The following RGS12 variants were observed in gnomAD, a reference collection of about 807,000 sequenced individuals.
The protein encoded by RGS12 is regulator of G protein signaling 12.
Under a neutral mutation model 120.1 loss-of-function variants are expected in RGS12, and 66 were observed. The ratio of observed to expected loss-of-function variants is 0.55; its 90% CI spans 0.45 to 0.67. The LOEUF is 0.67. Among genes scored for constraint, RGS12 ranks in the 30% least tolerant of loss-of-function variants. The probability of loss-of-function intolerance (pLI) is 0.00; values close to 1 mark genes in which losing one functional copy is unlikely to be tolerated. For synonymous variants in RGS12, 827 were observed against 804.7 expected (o/e 1.03, Z -0.47); for missense variants, 1,859 against 1,957.7 (o/e 0.95, Z 0.95).
chr4:3,349,229 C>T (rs745572110), intron 3 of RGS12, among the ~76,000 whole-genome samples: 16 of 152,134 alleles, frequency 1.1e-4, no homozygotes, highest in Non-Finnish European at 2.4e-4. Flanking sequence ...AAATTTATTT[C>T]GTAAATTTAT....
At chr4:3,369,895 C>A in intron 3 of RGS12, 2 of 432,298 alleles carry the variant, frequency 4.6e-6, no homozygotes, top group Non-Finnish European at 6.4e-6. Context: ...GATTCATTGG[C>A]AGCTGTAATT....
At chr4:3,409,696 A>ACGTCAC (rs1443689564) in intron 4 of RGS12, among the ~76,000 whole-genome samples, 1 of 152,212 alleles carries the variant, frequency 6.6e-6, no homozygotes, top group Non-Finnish European at 1.5e-5. Context: ...CAGACGGTTC[A>ACGTCAC]CGTCACCGTG....
intron 3 of RGS12, among the ~76,000 whole-genome samples, chr4:3,356,385 A>G (rs975507461): frequency 6.6e-6 from 1 of 152,140 alleles, no homozygotes; most frequent in Admixed American, 6.5e-5. Context: ...GGTAAAATAC[A>G]TACAACAAAA....
intron 12 of RGS12, 32 bp downstream of exon 12, chr4:3,423,010 G>C (rs371017751): frequency 1.9e-6 from 3 of 1,581,980 alleles, no homozygotes; most frequent in African/African-American, 1.3e-5. Flanking sequence ...TTCACCTGAG[G>C]CTCCCAGAGC....
At chr4:3,323,723 T>C (rs949813154) in intron 2 of RGS12, among the ~76,000 whole-genome samples, 1 of 152,220 alleles carries the variant, frequency 6.6e-6, no homozygotes, top group African/African-American at 2.4e-5. Flanking sequence ...TCTATCTTTG[T>C]ATATATGTGA....
rs570199511 is a variant in RGS12 at position 3,430,685 on chromosome 4, C to T, written c.3844C>T (p.Pro1282Ser). ...CAGCCCGGGCTCAGCCTCCAGCCCC[C>T]CTGGACCTCCTGGGACGACCCCCCC... is the stretch of plus-strand genomic sequence containing the variant. ...STSPGSASSPPGPPGTTPPGQ... is the reference protein window; with the variant it reads ...STSPGSASSPSGPPGTTPPGQ... Residue 1282 changes from proline (P) to serine (S), a missense_variant, in exon 17 of 18, where the codon CCT becomes TCT. By Grantham distance (74) the Pro-to-Ser change is moderately conservative. Transcript: ENST00000336727. The T allele has an allele frequency of 4.1e-5, 65 of 1,578,846 alleles. No individual in the cohort carries two copies. Among genetic ancestry groups the T allele is most frequent in the Admixed American group, 5.3e-5 (3 of 56,640 alleles).
intron 3 of RGS12, among the ~76,000 whole-genome samples, chr4:3,351,504 G>A (rs530297894): frequency 1.3e-5 from 2 of 152,142 alleles, no homozygotes; most frequent in Admixed American, 1.3e-4. Context: ...TGCATCGTTG[G>A]TTGCCATAGA....
At position 3,372,611 on chromosome 4, in the gene RGS12, G is replaced by T. The variant is rs1717146460; in HGVS notation, c.1999-13805G>T. Reference sequence around the variant, plus strand: ...GCCCTGTGTGGCCGGCATGGAGGTGGCGGCGGCCATCAGGGTGTGGTTTTG... The same window carrying T: ...GCCCTGTGTGGCCGGCATGGAGGTGTCGGCGGCCATCAGGGTGTGGTTTTG... On this transcript the variant is annotated intron_variant, in intron 3 of 17. Coordinates refer to ENST00000336727, the MANE Select transcript of RGS12 (RefSeq NM_001394154.1). The surrounding 1 kb of genome is among the most constrained non-coding windows in gnomAD (Gnocchi z 4.3). Among the ~76,000 whole-genome samples the T allele has an allele frequency of 6.6e-6, 1 of 152,256 alleles. No individual in the cohort carries two copies. Among genetic ancestry groups the T allele is most frequent in the South Asian group, 2.1e-4 (1 of 4,836 alleles).
intron 7 of RGS12, 146 bp downstream of exon 7, chr4:3,416,267 G>T (rs1428806130): frequency 1.1e-6 from 1 of 919,734 alleles, no homozygotes; most frequent in Non-Finnish European, 1.6e-6. Context: ...AGAAAGTGGG[G>T]CTTTCAGTAG....
chr4:3,351,001 T>G (rs2108802623), intron 3 of RGS12, among the ~76,000 whole-genome samples: 1 of 152,014 alleles, frequency 6.6e-6, no homozygotes, highest in South Asian at 2.1e-4. Context: ...AAATTATATT[T>G]TTGACAAAAC....
intron 13 of RGS12, among the ~76,000 whole-genome samples, chr4:3,425,078 A>G (rs78968560): frequency 6.6e-6 from 1 of 152,184 alleles, no homozygotes; most frequent in African/African-American, 2.4e-5. Flanking sequence ...TTCAGCCTCA[A>G]ACCTGGTCCT....
intron 16 of RGS12, 113 bp downstream of exon 16, chr4:3,428,824 T>G: frequency 1.1e-6 from 1 of 913,690 alleles, no homozygotes; most frequent in Non-Finnish European, 1.7e-6. Flanking sequence ...GGTCCGTCCC[T>G]GTGGCCTGGA....
rs774069389 is a variant in RGS12, at chr4:3,423,633, G to C, written c.3226G>C (p.Val1076Leu). The change falls in exon 13 of 18, where the codon GTG (valine) becomes CTG (leucine). Residue 1076 changes from valine to leucine, a missense_variant. Around this residue, in one of 3 missense-constraint regions of RGS12, gnomAD observed 375 missense variants for 475.0 expected, o/e 0.79. Transcript: ENST00000336727. ...CGGCCTGGACCTCAGTGGCCTGCTG[G>C]TGAGGCTGGTGAGTGTTGCACGGGG... ...RYGLDLSGLL[V>L]RLSGEKEPLD... 6.2e-7 allele frequency: 1 copy of C among 1,607,344 alleles called. No homozygotes were observed. The highest frequency in any genetic ancestry group is 1.1e-5 in the South Asian group (1 of 91,042).
upstream of RGS12, among the ~76,000 whole-genome samples, chr4:3,288,037 T>C (rs115789576): frequency 0.011 from 1,642 of 152,278 alleles, 26 homozygotes; most frequent in South Asian, 0.033. The surrounding 1 kb of genome is among the most constrained non-coding windows in gnomAD (Gnocchi z 5.2). Flanking sequence ...CCCCCTCCCA[T>C]GGCCGAGCCG....
intron 16 of RGS12, among the ~76,000 whole-genome samples, chr4:3,429,044 G>A (rs973495865): frequency 6.6e-5 from 10 of 152,236 alleles, no homozygotes; most frequent in African/African-American, 2.4e-4. Flanking sequence ...TTGTGCCAGG[G>A]TCCCCAGCGT....
intron 2 of RGS12, among the ~76,000 whole-genome samples, chr4:3,340,473 C>T (rs1712947482): frequency 6.6e-6 from 1 of 152,202 alleles, no homozygotes; most frequent in Non-Finnish European, 1.5e-5. Context: ...GAAGAACATG[C>T]ACAAAGGCCA....
At chr4:3,421,971 TC>T (rs2109157369) in intron 10 of RGS12, among the ~76,000 whole-genome samples, 1 of 152,328 alleles carries the variant, frequency 6.6e-6, no homozygotes, top group East Asian at 1.9e-4. Flanking sequence ...AGGCGACGTT[TC>T]CATTGGAACG....
chr4:3,301,957 T>C (rs919795730), intron 1 of RGS12, among the ~76,000 whole-genome samples: 4 of 151,538 alleles, frequency 2.6e-5, no homozygotes, highest in African/African-American at 9.7e-5. Flanking sequence ...GAAGTTGTCA[T>C]GTATCTGAGA....
chr4:3,393,751 C>T (rs986108850), intron 4 of RGS12, among the ~76,000 whole-genome samples: 1 of 152,236 alleles, frequency 6.6e-6, no homozygotes, highest in African/African-American at 2.4e-5. Context: ...CCCAGGTGCT[C>T]TCCCACGGCA....
Sources: allele counts gnomAD v4.1 joint callset (sites outside exome capture counted in the v4.1 genomes callset), GRCh38; gene constraint gnomAD v4.1.1; regional missense constraint gnomAD v4.1.1; non-coding constraint Gnocchi (gnomAD v3.1); transcripts MANE v1.5; gene names NCBI Gene and HGNC (gene_info 2026-07-23, HGNC 2026-07-21).